The following GALNT13 variants were observed in gnomAD, a reference collection of about 807,000 sequenced individuals.
The protein encoded by GALNT13 is UDP-GalNAc:polypeptide N-acetylgalactosaminyltransferase 13.
In GALNT13, 28 loss-of-function variants were observed where a neutral mutation model predicts 64.2. The ratio of observed to expected loss-of-function variants is 0.44; its 90% CI spans 0.32 to 0.60. The LOEUF (loss-of-function observed/expected upper bound fraction) is 0.60, where lower values mean the gene tolerates loss of function less well. Among genes scored for constraint, GALNT13 ranks in the 20% least tolerant of loss-of-function variants. The pLI, the probability that GALNT13 is intolerant of heterozygous loss-of-function variation, is 0.05. For missense variants in GALNT13, 577 were observed against 669.8 expected (o/e 0.86, Z 1.53); for synonymous variants, 214 against 224.6 (o/e 0.95, Z 0.42).
intron 9 of GALNT13, among the ~76,000 whole-genome samples, chr2:154,360,534 G>A (rs574746872): frequency 2.6e-4 from 39 of 152,252 alleles, no homozygotes; most frequent in Non-Finnish European, 4.7e-4. Context: ...GCAGAAAAGC[G>A]AAAAACATTC....
chr2:154,164,855 G>A (rs1684937824), intron 4 of GALNT13, among the ~76,000 whole-genome samples: 4 of 152,036 alleles, frequency 2.6e-5, no homozygotes, highest in South Asian at 2.1e-4. Flanking sequence ...TAAAAAACAA[G>A]TTTTTGGTTT....
At chr2:153,496,972 C>T in the GALNT13 span, among the ~76,000 whole-genome samples, 4 of 124,554 alleles carry the variant, frequency 3.2e-5, no homozygotes, top group Admixed American at 3.2e-4. Context: ...CCAGCCTGGG[C>T]GACAGAGCAA....
chr2:153,098,912 G>A, the GALNT13 span, among the ~76,000 whole-genome samples: 1 of 152,148 alleles, frequency 6.6e-6, no homozygotes, highest in South Asian at 2.1e-4. Flanking sequence ...TAGCCTCTTA[G>A]AGTTGGAAGA....
the GALNT13 span, among the ~76,000 whole-genome samples, chr2:153,660,142 A>G: frequency 0.51 from 77,523 of 151,904 alleles, 20,047 homozygotes; most frequent in Middle Eastern, 0.65. Context: ...ACAGCATAAC[A>G]TAATAAAAAG....
the GALNT13 span, among the ~76,000 whole-genome samples, chr2:153,270,894 G>C: frequency 2.6e-5 from 4 of 152,174 alleles, no homozygotes; most frequent in East Asian, 7.7e-4. Flanking sequence ...TTGTTAAAAA[G>C]TAGCACATCA....
chr2:153,411,176 TA>T, the GALNT13 span, among the ~76,000 whole-genome samples: 1,323 of 85,984 alleles, frequency 0.015, 7 homozygotes, highest in East Asian at 0.064. Flanking sequence ...TATATATATA[TA>T]TATTTTTTTT....
chr2:153,816,079 G>T, the GALNT13 span, among the ~76,000 whole-genome samples: 1 of 152,138 alleles, frequency 6.6e-6, no homozygotes, highest in South Asian at 2.1e-4. Flanking sequence ...CATTCTTATG[G>T]AAGAAAATAA....
chr2:153,493,202 T>C, the GALNT13 span, among the ~76,000 whole-genome samples: 1 of 151,256 alleles, frequency 6.6e-6, no homozygotes, highest in Non-Finnish European at 1.5e-5. Context: ...AGGCAAACAA[T>C]AGAAAAAATT....
chr2:153,918,941 CTTGTCTGG>C (rs1485902091), intron 2 of GALNT13, among the ~76,000 whole-genome samples: 1 of 152,026 alleles, frequency 6.6e-6, no homozygotes, highest in East Asian at 1.9e-4. Flanking sequence ...TGAGGCTTTC[CTTGTCTGG>C]TTGTCTGAAG....
At chr2:153,362,085 G>T in the GALNT13 span, among the ~76,000 whole-genome samples, 1 of 152,064 alleles carries the variant, frequency 6.6e-6, no homozygotes, top group Non-Finnish European at 1.5e-5. Flanking sequence ...TTAAAGAAAA[G>T]AATTTTCAAC....
chr2:154,352,831 C>T (rs2105260358), intron 9 of GALNT13, among the ~76,000 whole-genome samples: 1 of 152,286 alleles, frequency 6.6e-6, no homozygotes, highest in South Asian at 2.1e-4. Context: ...TTAGCCTCTC[C>T]TTGGTTTCTG....
At chr2:153,449,964 G>A in the GALNT13 span, 1 of 152,148 alleles carries the variant, frequency 6.6e-6, no homozygotes, top group Non-Finnish European at 1.5e-5. Flanking sequence ...CAGAATTTTG[G>A]AGGGAACCTA....
intron 3 of GALNT13, among the ~76,000 whole-genome samples, chr2:154,125,217 A>G (rs1682187262): frequency 6.6e-6 from 1 of 152,192 alleles, no homozygotes. Flanking sequence ...ATGGGAACAC[A>G]ACTGGTCATT....
chr2:153,892,829 C>A (rs1687639844), intron 1 of GALNT13, among the ~76,000 whole-genome samples: 2 of 151,908 alleles, frequency 1.3e-5, no homozygotes, highest in South Asian at 4.1e-4. Context: ...GACATGTGAA[C>A]CCTAATGTAT....
intron 9 of GALNT13, among the ~76,000 whole-genome samples, chr2:154,344,561 G>A (rs556270075): frequency 3.4e-4 from 52 of 152,024 alleles, no homozygotes; most frequent in Admixed American, 1.4e-3. Context: ...TGTTGTCTTC[G>A]TTTTTCCTAT....
chr2:153,598,953 T>C, the GALNT13 span, among the ~76,000 whole-genome samples: 1 of 152,074 alleles, frequency 6.6e-6, no homozygotes, highest in Non-Finnish European at 1.5e-5. Context: ...CTCAGTTTTG[T>C]GTCTTCCTTT....
chr2:153,141,892 T>C, the GALNT13 span, among the ~76,000 whole-genome samples: 10 of 152,040 alleles, frequency 6.6e-5, no homozygotes, highest in Non-Finnish European at 1.3e-4. Context: ...TTGAATAGTA[T>C]CTTATTGTGG....
the GALNT13 span, among the ~76,000 whole-genome samples, chr2:153,829,346 C>T: frequency 4.6e-5 from 7 of 152,110 alleles, no homozygotes; most frequent in Non-Finnish European, 7.3e-5. Flanking sequence ...ACTTACAGTT[C>T]CACATGGCTG....
chr2:154,368,565 G>A (rs896036564), intron 9 of GALNT13, among the ~76,000 whole-genome samples: 1 of 152,318 alleles, frequency 6.6e-6, no homozygotes. Context: ...GGTGGGTGAA[G>A]TTGACCTAAT....
Sources: gnomAD v4.1 joint callset for allele counts (sites outside exome capture counted in the v4.1 genomes callset) on GRCh38, gnomAD v4.1.1 for gene constraint, MANE v1.5 for transcripts, NCBI Gene and HGNC (gene_info 2026-07-23, HGNC 2026-07-21) for gene names.